Variants in NAALADL2 observed in about 807,000 individuals in gnomAD.
NAALADL2 encodes N-acetylated alpha-linked acidic dipeptidase like 2, also known as inactive N-acetylated-alpha-linked acidic dipeptidase-like protein 2.
NAALADL2 carries 76 observed loss-of-function variants against 87.2 expected under a neutral mutation model. The observed-to-expected ratio is 0.87, with a 90% confidence interval of 0.72 to 1.05. The LOEUF (loss-of-function observed/expected upper bound fraction) is 1.05, where lower values mean the gene tolerates loss of function less well. Ranked by LOEUF, NAALADL2 falls within the 50% of genes least tolerant of loss-of-function variation. The pLI is 0.00. For missense variants in NAALADL2, 1,089 were observed against 945.8 expected (o/e 1.15, Z -1.99); for synonymous variants, 354 against 331.0 (o/e 1.07, Z -0.75).
intron 9 of NAALADL2, among the ~76,000 whole-genome samples, chr3:175,574,391 G>C (rs1253222555): frequency 1.3e-5 from 2 of 152,160 alleles, no homozygotes; most frequent in African/African-American, 4.8e-5. Flanking sequence ...ATTCAAACTT[G>C]TTTAGTTCTG....
At chr3:175,023,726 A>T (rs1191919655) in intron 1 of NAALADL2, among the ~76,000 whole-genome samples, 1 of 152,090 alleles carries the variant, frequency 6.6e-6, no homozygotes, top group Non-Finnish European at 1.5e-5. Context: ...AAAATACTGA[A>T]TGTGATTCAA....
At chr3:175,216,751 C>T (rs1248672385) in intron 2 of NAALADL2, among the ~76,000 whole-genome samples, 2 of 147,980 alleles carry the variant, frequency 1.4e-5, no homozygotes, top group Non-Finnish European at 1.5e-5. Flanking sequence ...TCATCGCAAC[C>T]TCCACCTCCC....
At chr3:174,856,001 T>TG (rs1725829257), upstream of NAALADL2, among the ~76,000 whole-genome samples, 1 of 137,644 alleles carries the variant, frequency 7.3e-6, no homozygotes, top group African/African-American at 2.7e-5. Flanking sequence ...TATATATATA[T>TG]ATGAGAGAGA....
chr3:174,903,005 A>C (rs930692134), intron 1 of NAALADL2, among the ~76,000 whole-genome samples: 1 of 152,128 alleles, frequency 6.6e-6, no homozygotes, highest in Non-Finnish European at 1.5e-5. Context: ...ATACTTGCCA[A>C]AATTATATGT....
At chr3:175,517,322 C>A (rs1249670803) in intron 9 of NAALADL2, among the ~76,000 whole-genome samples, 1 of 152,110 alleles carries the variant, frequency 6.6e-6, no homozygotes, top group Non-Finnish European at 1.5e-5. Flanking sequence ...TTCATGACAT[C>A]ATGCATTAGT....
At chr3:175,132,788 AC>A (rs907094747) in intron 2 of NAALADL2, among the ~76,000 whole-genome samples, 25 of 114,464 alleles carry the variant, frequency 2.2e-4, no homozygotes, top group African/African-American at 8.5e-4. Flanking sequence ...GCGGGGGCTG[AC>A]CCCCACCTCC....
intron 13 of NAALADL2, among the ~76,000 whole-genome samples, chr3:175,802,243 G>C (rs755221222): frequency 6.6e-6 from 1 of 151,732 alleles, no homozygotes; most frequent in Non-Finnish European, 1.5e-5. Flanking sequence ...CCAATAGTCA[G>C]TGTTCAGTTT....
At chr3:175,540,357 G>A (rs113611994) in intron 9 of NAALADL2, among the ~76,000 whole-genome samples, 10 of 152,116 alleles carry the variant, frequency 6.6e-5, no homozygotes, top group African/African-American at 1.9e-4. Context: ...GTTAGAGGGC[G>A]ATCAAAGAAG....
At chr3:175,345,947 T>C (rs1324931827) in intron 5 of NAALADL2, among the ~76,000 whole-genome samples, 1 of 152,092 alleles carries the variant, frequency 6.6e-6, no homozygotes, top group Non-Finnish European at 1.5e-5. Flanking sequence ...CTACCCAGAA[T>C]AGTATTTACA....
At chr3:175,093,102 T>A (rs192505849) in intron 1 of NAALADL2, among the ~76,000 whole-genome samples, 1 of 151,868 alleles carries the variant, frequency 6.6e-6, no homozygotes, top group Admixed American at 6.6e-5. Context: ...TAAAATAACA[T>A]GACAATACAA....
At chr3:174,880,896 C>T (rs970548163) in intron 1 of NAALADL2, among the ~76,000 whole-genome samples, 20 of 152,080 alleles carry the variant, frequency 1.3e-4, no homozygotes, top group African/African-American at 4.3e-4. Flanking sequence ...TATCATGCCC[C>T]TTCTCTTAGA....
intron 10 of NAALADL2, among the ~76,000 whole-genome samples, chr3:175,623,517 T>C (rs992598093): frequency 2.6e-5 from 4 of 152,052 alleles, no homozygotes; most frequent in East Asian, 3.9e-4. Flanking sequence ...TGTGAACTTA[T>C]ATGGAAGAAG....
chr3:175,590,884 G>C (rs1020119233), intron 10 of NAALADL2, among the ~76,000 whole-genome samples: 8 of 152,134 alleles, frequency 5.3e-5, no homozygotes, highest in Admixed American at 3.3e-4. Flanking sequence ...TTTGCTTTCA[G>C]TACTGAACAA....
At chr3:174,866,778 T>C (rs1171068022) in intron 1 of NAALADL2, among the ~76,000 whole-genome samples, 1 of 151,806 alleles carries the variant, frequency 6.6e-6, no homozygotes, top group African/African-American at 2.4e-5. Context: ...GAAGTTATTT[T>C]ATATGTAGGT....
intron 3 of NAALADL2, among the ~76,000 whole-genome samples, chr3:175,243,969 A>T (rs1253189753): frequency 6.6e-6 from 1 of 152,070 alleles, no homozygotes; most frequent in Non-Finnish European, 1.5e-5. Flanking sequence ...ATAGCTATTG[A>T]CCTTCCATCC....
chr3:175,794,934 C>G (rs948899218), intron 13 of NAALADL2, among the ~76,000 whole-genome samples: 1 of 152,136 alleles, frequency 6.6e-6, no homozygotes, highest in South Asian at 2.1e-4. Context: ...CAGCCTGGCC[C>G]GGTTCTGGAG....
At chr3:174,765,008 T>G (rs1713586751) in intron 3 of NAALADL2, among the ~76,000 whole-genome samples, 1 of 152,106 alleles carries the variant, frequency 6.6e-6, no homozygotes, top group African/African-American at 2.4e-5. Flanking sequence ...TTTTTTTTTC[T>G]ATTTCTGTGA....
At chr3:174,703,804 C>G (rs1228703658) in intron 2 of NAALADL2, among the ~76,000 whole-genome samples, 1 of 152,166 alleles carries the variant, frequency 6.6e-6, no homozygotes, top group Non-Finnish European at 1.5e-5. Flanking sequence ...TCTTTATACT[C>G]TACTCTGCTC....
rs6762686 is a variant in NAALADL2 at position 175,349,703 on chromosome 3, C to T, written c.1090+25378C>T. On this transcript the variant is annotated intron_variant, in intron 5 of 13. Coordinates refer to ENST00000454872, the MANE Select transcript of NAALADL2 (RefSeq NM_207015.3). ...GAGGAGACTGATACTCAGTATTTCT[C>T]TGTTTGGGAGAGAAAGGATAGAAAG... Among the ~76,000 whole-genome samples, 21 of 152,178 alleles carry T rather than the reference C, an allele frequency of 1.4e-4. 1 individual carries two copies. The highest frequency in any genetic ancestry group is 2.6e-4 in the Admixed American group (4 of 15,266).
Sources: allele counts gnomAD v4.1 joint callset (sites outside exome capture counted in the v4.1 genomes callset), GRCh38; gene constraint gnomAD v4.1.1; transcripts MANE v1.5; gene names NCBI Gene and HGNC (gene_info 2026-07-23, HGNC 2026-07-21).